Variants in TSPOAP1 observed in about 807,000 individuals in gnomAD.
TSPOAP1 encodes TSPO associated protein 1.
TSPOAP1 carries 87 observed loss-of-function variants against 197.0 expected under a neutral mutation model. The ratio of observed to expected loss-of-function variants is 0.44; its 90% CI spans 0.37 to 0.53. The LOEUF is 0.53. TSPOAP1 is among the 20% of genes least tolerant of loss of function. The pLI is 0.00. For missense variants in TSPOAP1, 2,174 were observed against 2,411.3 expected (o/e 0.90, Z 2.06); for synonymous variants, 913 against 998.9 (o/e 0.91, Z 1.62).
chr17:58,325,563 G>T lies in TSPOAP1; in HGVS notation c.721C>A (p.Leu241Met). ...IAALQRECRE[L>M]QARLTLVGKE... ...CCCACCAGAGTGAGCCTGGCCTGCAGCTCCCTGCACTCCCGCTGCAAGGCA... is the reference window on the plus strand; with the variant it reads ...CCCACCAGAGTGAGCCTGGCCTGCATCTCCCTGCACTCCCGCTGCAAGGCA... Residue 241 changes from leucine to methionine, a missense_variant, in exon 4 of 32, where the codon CTG becomes ATG. Physicochemically the swap from Leu to Met is conservative, Grantham distance 15. Around this residue, in one of 5 missense-constraint regions of TSPOAP1, gnomAD observed 1,933 missense variants for 2,139.0 expected, o/e 0.90. Transcript: ENST00000343736. 6.2e-7 allele frequency: 1 copy of T among 1,612,906 alleles called. No individual in the cohort carries two copies.
rs746570744 is a variant in TSPOAP1 at position 58,308,552 on chromosome 17, G to A, written c.4720C>T (p.Pro1574Ser). 5 of 1,530,084 alleles carry A rather than the reference G, an allele frequency of 3.3e-6. No homozygotes were observed. In the South Asian group the frequency reaches 6.4e-5, roughly 20 times the overall value. The allele number at this position is 1,530,084 out of a possible 1,614,324, so 94.8% of individuals were successfully genotyped here. A position where few individuals can be genotyped will look rare whatever the true frequency, so the allele number is the denominator to read the frequency against. ...GRSATGRAKE[P>S]LSRATETGEA... ...GAGTGAGCACGGACCCGGGAGAGTG[G>A]CTCCTTGGCTCTGCCCGTCGCACTG... The change falls in exon 22 of 32, where the codon CCA becomes TCA. Residue 1574 changes from proline (P) to serine (S), a missense_variant. Coordinates refer to ENST00000343736, the MANE Select transcript of TSPOAP1 (RefSeq NM_004758.4).
chr17:58,306,234 CA>C, intron 26 of TSPOAP1, 107 bp downstream of exon 26: 1 of 1,177,732 alleles, frequency 8.5e-7, no homozygotes, highest in Non-Finnish European at 1.2e-6. Flanking sequence ...CGCCACCCAC[CA>C]GCACACACAT....
intron 6 of TSPOAP1, 24 bp downstream of exon 6, chr17:58,323,444 T>C: frequency 6.2e-7 from 1 of 1,614,216 alleles, no homozygotes; most frequent in Non-Finnish European, 8.5e-7. Context: ...GCAGGCTGCC[T>C]CCAGCCCTTG....
intron 16 of TSPOAP1, among the ~76,000 whole-genome samples, chr17:58,315,506 A>C (rs1017734151): frequency 6.6e-6 from 1 of 151,636 alleles, no homozygotes; most frequent in East Asian, 1.9e-4. Context: ...CAGCCCTCTG[A>C]CTCCCCACAG....
chr17:58,321,246 A>C (rs1357897547), intron 10 of TSPOAP1, among the ~76,000 whole-genome samples: 1 of 151,882 alleles, frequency 6.6e-6, no homozygotes, highest in Non-Finnish European at 1.5e-5. Flanking sequence ...TTATACAGCA[A>C]ATGGCTGTCA....
intron 31 of TSPOAP1, 33 bp from the exon 32 acceptor site, chr17:58,302,480 G>A (rs1183420561): frequency 8.4e-7 from 1 of 1,194,458 alleles, no homozygotes; most frequent in East Asian, 6.1e-5. Flanking sequence ...CAAGGTCAGG[G>A]CCTGATTCCC....
At position 58,312,061 on chromosome 17, in the gene TSPOAP1, G is replaced by A. The variant is rs1567843034; in HGVS notation, c.2760C>T (p.Cys920=). The change falls in exon 17 of 32, where the codon TGC becomes TGT. Residue 920 remains cysteine, a synonymous_variant. Transcript: ENST00000343736. ...AHAIYLNGEE[C]PPASPSTYWA... ...AGTAGGTACTGGGGCTGGCAGGTGG[G>A]CACTCTTCCCCATTGAGGTAGATGG... The A allele has an allele frequency of 2.5e-6, 4 of 1,613,448 alleles. No individual in the cohort carries two copies. The highest frequency in any genetic ancestry group is 2.5e-6 in the Non-Finnish European group (3 of 1,179,950).
In TSPOAP1 at chr17:58,310,863, G is replaced by T. The variant is rs376225443; in HGVS notation, c.3432C>A (p.His1144Gln). 2 of 1,539,404 alleles carry T rather than the reference G, an allele frequency of 1.3e-6. No individual in the cohort carries two copies. The highest frequency in any genetic ancestry group is 1.3e-5 in the South Asian group (1 of 79,164). Residue 1144 changes from histidine to glutamine, a missense_variant, in exon 19 of 32, where the codon CAC (histidine) becomes CAA (glutamine). His to Gln is a conservative substitution (Grantham distance 24, BLOSUM62 0). Transcript: ENST00000343736. ...SPSREMAKGS[H>Q]EDPPAPCSQE... is the part of the protein sequence containing the mutation. Reference sequence around the variant, plus strand: ...GGGAGCAAGGTGCTGGAGGGTCCTCGTGGGACCCTTTTGCCATCTCTCTGG... The same window carrying T: ...GGGAGCAAGGTGCTGGAGGGTCCTCTTGGGACCCTTTTGCCATCTCTCTGG...
Position 58,312,297 on chromosome 17 carries a change from T to C in TSPOAP1, c.2524A>G (p.Lys842Glu). The C allele has an allele frequency of 6.2e-7, 1 of 1,612,802 alleles. No homozygotes were observed. Among genetic ancestry groups the C allele is most frequent in the Non-Finnish European group, 8.5e-7 (1 of 1,179,796 alleles). ...AGGTCCAGGTTCTCCAGCACGGCCTTGGGTGGCGCCCCAGGCCCCAGGGCC... is the reference window on the plus strand; with the variant it reads ...AGGTCCAGGTTCTCCAGCACGGCCTCGGGTGGCGCCCCAGGCCCCAGGGCC... ...RQALGPGAPP[K>E]AVLENLDLWA... Residue 842 changes from lysine to glutamate, a missense_variant, in exon 17 of 32, where the codon AAG becomes GAG. Transcript: ENST00000343736.
chr17:58,316,265 C>A (rs1971230749), intron 15 of TSPOAP1, 133 bp from the exon 16 acceptor site: 1 of 1,063,232 alleles, frequency 9.4e-7, no homozygotes, highest in Admixed American at 1.9e-5. Context: ...CAAAGCTGAG[C>A]CCTCACTGCA....
chr17:58,320,191 A>G (rs1007056487), intron 11 of TSPOAP1, 62 bp from the exon 12 acceptor site: 2 of 1,604,622 alleles, frequency 1.2e-6, no homozygotes, highest in Middle Eastern at 1.7e-4. Context: ...TTGCTAACCC[A>G]GAGAGGGAGG....
chr17:58,302,481 C>A, intron 31 of TSPOAP1, 34 bp from the exon 32 acceptor site: 1 of 1,193,730 alleles, frequency 8.4e-7, no homozygotes, highest in South Asian at 1.5e-5. Context: ...AAGGTCAGGG[C>A]CTGATTCCCT....
chr17:58,310,736 C>A lies in TSPOAP1; in HGVS notation c.3475G>T (p.Ala1159Ser), dbSNP rs1971053224. Residue 1159 changes from alanine to serine, a missense_variant, in exon 20 of 32, where the codon GCA becomes TCA. Ala to Ser is a moderately conservative substitution (Grantham distance 99). This residue lies in a region of TSPOAP1 where 1,933 missense variants were observed against 2,139.0 expected (regional missense o/e 0.90). Coordinates refer to ENST00000343736, the MANE Select transcript of TSPOAP1 (RefSeq NM_004758.4). ...CTCTCCTCTGAGGTGCCCAGCACTGCTGCCCCAGCCTCCTCCTGGAACAGA... is the reference window on the plus strand; with the variant it reads ...CTCTCCTCTGAGGTGCCCAGCACTGATGCCCCAGCCTCCTCCTGGAACAGA... ...APCSQEEAGAAVLGTSEERTA... is the reference protein window; with the variant it reads ...APCSQEEAGASVLGTSEERTA... 2 of 1,612,150 alleles carry A rather than the reference C, an allele frequency of 1.2e-6. No individual in the cohort carries two copies. The highest frequency in any genetic ancestry group is 1.7e-5 in the Admixed American group (1 of 59,976).
At position 58,318,369 on chromosome 17, in the gene TSPOAP1, G is replaced by C; in HGVS notation, c.1783C>G (p.Arg595Gly). The change falls in exon 14 of 32, where the codon CGA (arginine) becomes GGA (glycine). Residue 595 changes from arginine to glycine, a missense_variant. Arg to Gly is a moderately radical substitution (Grantham distance 125). Transcript: ENST00000343736. The part of the protein sequence containing the change: ...PAPATLTGVP[R>G]RTAKKAESLS... ...GACTCTGCCTTCTTGGCTGTCCTTCGAGGGACCCCAGTGAGAGTGGCAGGG... is the reference window on the plus strand; with the variant it reads ...GACTCTGCCTTCTTGGCTGTCCTTCCAGGGACCCCAGTGAGAGTGGCAGGG... The C allele has an allele frequency of 6.2e-7, 1 of 1,614,146 alleles. No individual in the cohort carries two copies. Among genetic ancestry groups the C allele is most frequent in the Middle Eastern group, 1.7e-4 (1 of 6,060 alleles).
intron 11 of TSPOAP1, 45 bp from the exon 12 acceptor site, chr17:58,320,174 C>T (rs772520420): frequency 3.1e-6 from 5 of 1,613,404 alleles, no homozygotes; most frequent in Non-Finnish European, 3.4e-6. Context: ...ACCCTGAGCG[C>T]TGTGGGTTGC....
At chr17:58,306,745 G>A in intron 25 of TSPOAP1, 55 bp downstream of exon 25, 1 of 1,569,882 alleles carries the variant, frequency 6.4e-7, no homozygotes, top group South Asian at 1.2e-5. Context: ...TCAGGGTCAG[G>A]TGGAGTTGGA....
rs755078827 is a variant in TSPOAP1 at position 58,326,733 on chromosome 17, C to T, written c.391G>A (p.Gly131Arg). 6.2e-7 allele frequency: 1 copy of T among 1,614,120 alleles called. No individual in the cohort carries two copies. Among genetic ancestry groups the T allele is most frequent in the Non-Finnish European group, 8.5e-7 (1 of 1,180,014 alleles). Residue 131 changes from glycine (G) to arginine (R), a missense_variant, in exon 2 of 32, where the codon GGG becomes AGG. Physicochemically the swap from Gly to Arg is moderately radical, Grantham distance 125. Coordinates refer to ENST00000343736, the MANE Select transcript of TSPOAP1 (RefSeq NM_004758.4). The surrounding 1 kb of genome is among the most constrained non-coding windows in gnomAD (Gnocchi z 4.7). ...RPNLELLRAL[G>R]ELRQRCAILK... ...ATGGCACAGCGCTGCCGCAGCTCCC[C>T]CAGGGCCCTCAGCAGCTCCAGATTG...
chr17:58,323,632 C>T (rs1341263738), intron 5 of TSPOAP1, 87 bp from the exon 6 acceptor site: 24 of 1,374,266 alleles, frequency 1.7e-5, no homozygotes, highest in East Asian at 2.3e-5. Context: ...AGAGCAGGTT[C>T]CCACCCCATC....
At position 58,324,532 on chromosome 17, in the gene TSPOAP1, C is replaced by T. The variant is rs1454685399; in HGVS notation, c.942+279G>A. On this transcript the variant is annotated intron_variant, in intron 5 of 31. Transcript: ENST00000343736. The surrounding 1 kb of genome is among the most constrained non-coding windows in gnomAD (Gnocchi z 5.8). ...CCAGGGATTTGCGGCCGGGCCGTACCACTGGCAGCGCGGCAGGGGCGGCCG... is the reference window on the plus strand; with the variant it reads ...CCAGGGATTTGCGGCCGGGCCGTACTACTGGCAGCGCGGCAGGGGCGGCCG... 6.6e-6 allele frequency among the ~76,000 whole-genome samples: 1 copy of T among 151,968 alleles called. No homozygotes were observed. Among genetic ancestry groups the T allele is most frequent in the Non-Finnish European group, 1.5e-5 (1 of 67,942 alleles).
Sources: gnomAD v4.1 joint callset for allele counts (sites outside exome capture counted in the v4.1 genomes callset) on GRCh38, gnomAD v4.1.1 for gene constraint, gnomAD v4.1.1 regional missense constraint, Gnocchi (gnomAD v3.1) non-coding constraint, MANE v1.5 for transcripts, NCBI Gene and HGNC (gene_info 2026-07-23, HGNC 2026-07-21) for gene names.